HS3ST1: variants seen among roughly 807,000 people sequenced by gnomAD.
The protein encoded by HS3ST1 is heparan sulfate-glucosamine 3-sulfotransferase 1, also known as heparan sulfate glucosamine 3-O-sulfotransferase 1.
A neutral mutation model predicts 20.7 loss-of-function variants in HS3ST1; 8 were observed. That is an observed-to-expected ratio of 0.39 (90% CI 0.23 to 0.70). The LOEUF is 0.70. Among genes scored for constraint, HS3ST1 ranks in the 30% least tolerant of loss-of-function variants. HS3ST1 has a pLI of 0.46. For missense variants in HS3ST1, 436 were observed against 423.4 expected (o/e 1.03, Z -0.26); for synonymous variants, 205 against 190.4 (o/e 1.08, Z -0.63).
chr4:11,405,501 C>T (rs540897486), intron 1 of HS3ST1, among the ~76,000 whole-genome samples: 45 of 152,172 alleles, frequency 3.0e-4, no homozygotes, highest in Non-Finnish European at 5.7e-4. Context: ...TTGCTCTACT[C>T]TGTCCCCTCG....
At chr4:11,414,012 G>C (rs2108886382) in intron 1 of HS3ST1, 1 of 152,278 alleles carries the variant, frequency 6.6e-6, no homozygotes, top group Admixed American at 6.5e-5. Context: ...ACTAGCAGGA[G>C]GATGCATGAG....
chr4:11,395,807 C>T lies in HS3ST1; in HGVS notation c.*3275G>A, dbSNP rs1287949470. 1 of 152,230 alleles carries T rather than the reference C, an allele frequency of 6.6e-6. No individual in the cohort carries two copies. Among genetic ancestry groups the T allele is most frequent in the Non-Finnish European group, 1.5e-5 (1 of 68,142 alleles). 9.4% of individuals were successfully genotyped at this position (152,230 alleles called of 1,614,324 possible). A position where few individuals can be genotyped will look rare whatever the true frequency, so the allele number is the denominator to read the frequency against. On this transcript the variant is annotated 3_prime_UTR_variant, in exon 2 of 2. Transcript: ENST00000002596. ...ACTTTTTAAATCTCAGTTTCCTCTT[C>T]TCTATAAGGGGGCTAGTTGATTTCT... is the stretch of plus-strand genomic sequence containing the variant.
At chr4:11,422,150 C>A (rs995042414) in intron 1 of HS3ST1, among the ~76,000 whole-genome samples, 1 of 152,210 alleles carries the variant, frequency 6.6e-6, no homozygotes, top group Middle Eastern at 3.2e-3. Context: ...CTAAAATAGA[C>A]AAATGAGTTT....
Position 11,394,179 on chromosome 4 carries a change from A to G in HS3ST1, c.*4903T>C, listed in dbSNP as rs569088096. Reference sequence around the variant, plus strand: ...GTTTTCCCCCAACAGAGTACAGTACATATCTGCCCATTTTTATGGAGAAGG... The same window carrying G: ...GTTTTCCCCCAACAGAGTACAGTACGTATCTGCCCATTTTTATGGAGAAGG... On this transcript the variant is annotated 3_prime_UTR_variant, in exon 2 of 2. Transcript: ENST00000002596. 2.0e-5 allele frequency: 3 copies of G among 152,322 alleles called. No individual in the cohort carries two copies. Among genetic ancestry groups the G allele is most frequent in the African/African-American group, 4.8e-5 (2 of 41,572 alleles). The allele number at this position is 152,322 out of a possible 1,614,324, so 9.4% of individuals were successfully genotyped here. A position where few individuals can be genotyped will look rare whatever the true frequency, so the allele number is the denominator to read the frequency against.
At chr4:11,427,329 G>T (rs1055456123) in intron 1 of HS3ST1, among the ~76,000 whole-genome samples, 145 of 152,234 alleles carry the variant, frequency 9.5e-4, no homozygotes, top group African/African-American at 3.4e-3. Context: ...GGCGGGAGGC[G>T]CAGCCGAGCT....
At chr4:11,418,469 G>GGT (rs1718843530) in intron 1 of HS3ST1, among the ~76,000 whole-genome samples, 2 of 152,200 alleles carry the variant, frequency 1.3e-5, no homozygotes, top group Non-Finnish European at 2.9e-5. Context: ...ATGAGGCAAA[G>GGT]TCATTTCCCT....
chr4:11,399,662 A>C lies in HS3ST1; in HGVS notation c.344T>G (p.Leu115Arg), dbSNP rs1718260661. Residue 115 changes from leucine to arginine, a missense_variant, in exon 2 of 2, where the codon CTC becomes CGC. Transcript: ENST00000002596. This position sits in a 1 kb window ranked among gnomAD's most constrained non-coding sequence, Gnocchi z 5.1. Reference sequence around the variant, plus strand: ...ATACGCGGGGGTCTTCTCCACTGTGAGCTGGTGTGGCCAGGAGAAGGGCAT... The same window carrying C: ...ATACGCGGGGGTCTTCTCCACTGTGCGCTGGTGTGGCCAGGAGAAGGGCAT... ...SQMPFSWPHQ[L>R]TVEKTPAYFT... The C allele has an allele frequency of 6.2e-7, 1 of 1,613,758 alleles. No homozygotes were observed. Among genetic ancestry groups the C allele is most frequent in the African/African-American group, 1.3e-5 (1 of 74,910 alleles).
intron 1 of HS3ST1, among the ~76,000 whole-genome samples, chr4:11,405,510 C>T (rs77032455): frequency 8.5e-5 from 13 of 152,258 alleles, no homozygotes; most frequent in Non-Finnish European, 1.5e-4. Flanking sequence ...TCTGTCCCCT[C>T]GGGCCTGGCA....
intron 1 of HS3ST1, among the ~76,000 whole-genome samples, chr4:11,410,679 G>A (rs1718599597): frequency 6.6e-6 from 1 of 152,068 alleles, no homozygotes; most frequent in African/African-American, 2.4e-5. Flanking sequence ...AGAACATGAG[G>A]TCAAGAGTTC....
upstream of HS3ST1, among the ~76,000 whole-genome samples, chr4:11,430,146 C>A (rs983365279): frequency 1.3e-5 from 2 of 152,150 alleles, no homozygotes; most frequent in South Asian, 4.1e-4. Context: ...CAGAAAACAA[C>A]ACAGTGACCA....
rs115898384 is a variant in HS3ST1, at chr4:11,426,228, C to G, written c.-109+2471G>C. Among the ~76,000 whole-genome samples, 745 of 152,202 alleles carry G rather than the reference C, an allele frequency of 4.9e-3. 4 individuals are homozygous for G. Among genetic ancestry groups the G allele is most frequent in the Middle Eastern group, 0.024 (7 of 294 alleles). ...GGGGATATGCCATTGTGGGTAGCTGCTATGTTCTCAGAAAGGCAGTGTGCA... is the reference window on the plus strand; with the variant it reads ...GGGGATATGCCATTGTGGGTAGCTGGTATGTTCTCAGAAAGGCAGTGTGCA... On this transcript the variant is annotated intron_variant, in intron 1 of 1. Transcript: ENST00000002596.
chr4:11,400,542 CT>C (rs1465291096), intron 1 of HS3ST1, among the ~76,000 whole-genome samples: 2 of 152,126 alleles, frequency 1.3e-5, no homozygotes, highest in East Asian at 3.8e-4. Flanking sequence ...GTTTGCCTCC[CT>C]AGTCAGAGCA....
chr4:11,401,432 C>T (rs1718322080), intron 1 of HS3ST1, among the ~76,000 whole-genome samples: 2 of 151,718 alleles, frequency 1.3e-5, no homozygotes, highest in Admixed American at 1.3e-4. Context: ...GCAACCTCCG[C>T]CTCCCCGGTT....
chr4:11,431,705 A>C (rs1475931687), upstream of HS3ST1, among the ~76,000 whole-genome samples: 1 of 152,230 alleles, frequency 6.6e-6, no homozygotes, highest in Non-Finnish European at 1.5e-5. Context: ...AAAGGCATGA[A>C]ATAGAAACAA....
chr4:11,416,448 A>G (rs560685390), intron 1 of HS3ST1, among the ~76,000 whole-genome samples: 3 of 152,206 alleles, frequency 2.0e-5, no homozygotes, highest in Non-Finnish European at 4.4e-5. Flanking sequence ...AGCAATGACA[A>G]CAGTGCCACC....
At chr4:11,432,704 TA>T (rs1719228276), upstream of HS3ST1, among the ~76,000 whole-genome samples, 1 of 152,248 alleles carries the variant, frequency 6.6e-6, no homozygotes, top group African/African-American at 2.4e-5. Context: ...TATCCTCGAA[TA>T]ACTCCACTAA....
intron 1 of HS3ST1, among the ~76,000 whole-genome samples, chr4:11,406,864 T>C (rs1317662591): frequency 1.3e-5 from 2 of 152,224 alleles, no homozygotes; most frequent in Non-Finnish European, 2.9e-5. Context: ...GTCTTTTTTT[T>C]TTTTAATCTA....
intron 1 of HS3ST1, among the ~76,000 whole-genome samples, chr4:11,401,280 A>G (rs1179800786): frequency 1.3e-5 from 2 of 152,200 alleles, no homozygotes; most frequent in Non-Finnish European, 2.9e-5. Flanking sequence ...GTGGTCTCAT[A>G]CTATATTCAG....
At chr4:11,404,108 G>C (rs1025958183) in intron 1 of HS3ST1, among the ~76,000 whole-genome samples, 2 of 152,158 alleles carry the variant, frequency 1.3e-5, no homozygotes, top group Non-Finnish European at 2.9e-5. Flanking sequence ...GCAGTGACAT[G>C]ATCTCAGCTC....
Sources: gnomAD v4.1 joint callset for allele counts (sites outside exome capture counted in the v4.1 genomes callset) on GRCh38, gnomAD v4.1.1 for gene constraint, Gnocchi (gnomAD v3.1) non-coding constraint, MANE v1.5 for transcripts, NCBI Gene and HGNC (gene_info 2026-07-23, HGNC 2026-07-21) for gene names.